Variants in CTNND2 observed in about 807,000 individuals in gnomAD.
CTNND2 encodes catenin delta-2.
Under a neutral mutation model 144.4 loss-of-function variants are expected in CTNND2, and 22 were observed. That is an observed-to-expected ratio of 0.15 (90% CI 0.11 to 0.22). The LOEUF is 0.22. Among genes scored for constraint, CTNND2 ranks in the 10% least tolerant of loss-of-function variants. The probability of loss-of-function intolerance (pLI) is 1.00; values close to 1 mark genes in which losing one functional copy is unlikely to be tolerated. For synonymous variants in CTNND2, 751 were observed against 695.6 expected (o/e 1.08, Z -1.25); for missense variants, 1,353 against 1,618.8 (o/e 0.84, Z 2.82).
At chr5:11,185,591 G>C (rs764996994) in intron 11 of CTNND2, among the ~76,000 whole-genome samples, 1 of 152,206 alleles carries the variant, frequency 6.6e-6, no homozygotes, top group Non-Finnish European at 1.5e-5. Context: ...TGATGGCAAC[G>C]ACAACAGCCG....
chr5:11,175,576 G>A (rs546890121), intron 11 of CTNND2, among the ~76,000 whole-genome samples: 14 of 151,872 alleles, frequency 9.2e-5, no homozygotes, highest in Non-Finnish European at 1.9e-4. Context: ...CTATTTGATG[G>A]TCCATTTTTA....
chr5:11,327,926 A>G (rs1490034573), intron 9 of CTNND2, among the ~76,000 whole-genome samples: 1 of 152,246 alleles, frequency 6.6e-6, no homozygotes, highest in African/African-American at 2.4e-5. Flanking sequence ...AGTTTTGGTC[A>G]GTCTAGTGTT....
intron 2 of CTNND2, among the ~76,000 whole-genome samples, chr5:11,662,847 T>C (rs1195251784): frequency 6.6e-6 from 1 of 152,114 alleles, no homozygotes; most frequent in East Asian, 1.9e-4. Flanking sequence ...AAAACTGTCT[T>C]CCGCAAAACT....
intron 6 of CTNND2, among the ~76,000 whole-genome samples, chr5:11,387,971 G>A (rs976091681): frequency 7.9e-5 from 12 of 152,000 alleles, no homozygotes; most frequent in Admixed American, 5.2e-4. Context: ...TGCTGAATAC[G>A]ACTGTCTCCT....
chr5:11,663,247 C>G (rs1783374853), intron 2 of CTNND2, among the ~76,000 whole-genome samples: 1 of 152,052 alleles, frequency 6.6e-6, no homozygotes, highest in South Asian at 2.1e-4. Context: ...ATTAGATCAC[C>G]CTAATGTTCT....
intron 16 of CTNND2, among the ~76,000 whole-genome samples, chr5:11,071,363 C>T (rs1417555412): frequency 1.3e-5 from 2 of 152,082 alleles, no homozygotes; most frequent in African/African-American, 4.8e-5. Context: ...CTTGGCAACA[C>T]CTTGTCTCTA....
In CTNND2 at chr5:11,869,293, T is replaced by C. The variant is rs1272555185; in HGVS notation, c.37+34524A>G. Among the ~76,000 whole-genome samples, 6 of 152,194 alleles carry C rather than the reference T, an allele frequency of 3.9e-5. No individual in the cohort carries two copies. The East Asian group carries it at 1.2e-3, about 29-fold the overall frequency. ...CACACCAATGTTCACAGCAGCATTA[T>C]TCACAATTGCCAAAAGGTGAAAGCA... is the stretch of plus-strand genomic sequence containing the variant. On this transcript the variant is annotated intron_variant, in intron 1 of 21. Coordinates refer to ENST00000304623, the MANE Select transcript of CTNND2 (RefSeq NM_001332.4).
intron 8 of CTNND2, among the ~76,000 whole-genome samples, chr5:11,355,995 T>C (rs1036216909): frequency 6.6e-6 from 1 of 151,830 alleles, no homozygotes; most frequent in Admixed American, 6.6e-5. Context: ...ACCGAGGAGA[T>C]AAAAGGCCTT....
chr5:11,596,609 G>A (rs1438912554), intron 2 of CTNND2, among the ~76,000 whole-genome samples: 1 of 152,174 alleles, frequency 6.6e-6, no homozygotes, highest in Non-Finnish European at 1.5e-5. Context: ...CTATATACAT[G>A]TTTTTGTATA....
At chr5:11,251,277 G>A (rs1206921199) in intron 9 of CTNND2, among the ~76,000 whole-genome samples, 2 of 152,164 alleles carry the variant, frequency 1.3e-5, no homozygotes, top group Non-Finnish European at 2.9e-5. Flanking sequence ...CATTTAGTAA[G>A]TTCTTAGGTC....
At chr5:11,534,398 C>G (rs1774028809) in intron 3 of CTNND2, among the ~76,000 whole-genome samples, 1 of 152,034 alleles carries the variant, frequency 6.6e-6, no homozygotes, top group Non-Finnish European at 1.5e-5. Flanking sequence ...GACAGATCAC[C>G]TGAGGTCAGG....
intron 1 of CTNND2, among the ~76,000 whole-genome samples, chr5:11,767,369 C>T (rs568180177): frequency 6.6e-6 from 1 of 152,132 alleles, no homozygotes; most frequent in Non-Finnish European, 1.5e-5. Flanking sequence ...GGGCATGTGT[C>T]TATGCCTCCA....
At chr5:11,621,062 C>G (rs7709872) in intron 2 of CTNND2, among the ~76,000 whole-genome samples, 1 of 152,176 alleles carries the variant, frequency 6.6e-6, no homozygotes, top group African/African-American at 2.4e-5. Flanking sequence ...CCTGAAAGAA[C>G]GGTGTATATG....
intron 6 of CTNND2, among the ~76,000 whole-genome samples, chr5:11,388,751 T>G (rs910525128): frequency 1.3e-5 from 2 of 152,212 alleles, no homozygotes; most frequent in African/African-American, 4.8e-5. Context: ...AGCTGCACAA[T>G]CATAGGACAG....
intron 5 of CTNND2, among the ~76,000 whole-genome samples, 188 bp from the exon 6 acceptor site, chr5:11,397,391 ATT>A (rs67303549): frequency 4.7e-4 from 70 of 149,466 alleles, no homozygotes; most frequent in African/African-American, 1.5e-3. Context: ...TTTATTTTTT[ATT>A]TTTTTTTTGG....
chr5:11,748,968 T>A (rs141656441), intron 1 of CTNND2, among the ~76,000 whole-genome samples: 1 of 152,134 alleles, frequency 6.6e-6, no homozygotes, highest in Admixed American at 6.6e-5. Context: ...CTCTCTTTGA[T>A]CATTCACTCT....
At chr5:11,664,025 A>T (rs2727604) in intron 2 of CTNND2, among the ~76,000 whole-genome samples, 11,187 of 152,188 alleles carry the variant, frequency 0.074, 1,373 homozygotes, top group African/African-American at 0.25. Flanking sequence ...TTAGTTGCCA[A>T]CATATTTCAA....
intron 3 of CTNND2, among the ~76,000 whole-genome samples, chr5:11,477,924 C>T (rs1767911268): frequency 6.6e-6 from 1 of 152,124 alleles, no homozygotes. Context: ...GATTTAAGAT[C>T]AAGCAAGCAA....
intron 18 of CTNND2, among the ~76,000 whole-genome samples, chr5:10,992,943 C>G (rs1198510478): frequency 6.6e-6 from 1 of 152,138 alleles, no homozygotes; most frequent in African/African-American, 2.4e-5. Context: ...CCGCTCTGGT[C>G]AGAAGCTTCG....
Sources: allele counts gnomAD v4.1 joint callset (sites outside exome capture counted in the v4.1 genomes callset), GRCh38; gene constraint gnomAD v4.1.1; transcripts MANE v1.5; gene names NCBI Gene and HGNC (gene_info 2026-07-23, HGNC 2026-07-21).